DST: variants seen among roughly 807,000 people sequenced by gnomAD.
DST encodes dystonin.
DST carries 253 observed loss-of-function variants against 875.2 expected under a neutral mutation model. The ratio of observed to expected loss-of-function variants is 0.29; its 90% CI spans 0.26 to 0.32. The LOEUF is 0.32. DST is among the 10% of genes least tolerant of loss of function. The pLI, the probability that DST is intolerant of heterozygous loss-of-function variation, is 1.00. For missense variants in DST, 8,287 were observed against 9,111.6 expected (o/e 0.91, Z 3.68); for synonymous variants, 3,124 against 3,197.1 (o/e 0.98, Z 0.77).
chr6:56,529,896 A>C, intron 65 of DST, 78 bp downstream of exon 65: 1 of 1,549,778 alleles, frequency 6.5e-7, no homozygotes. Context: ...AAACAAAACA[A>C]TAGTACATAA....
In DST at chr6:56,851,616, G is replaced by A. The variant is rs1324802746; in HGVS notation, c.418-12C>T. The A allele has an allele frequency of 1.2e-6, 2 of 1,612,360 alleles. No homozygotes were observed. Among genetic ancestry groups the A allele is most frequent in the Admixed American group, 1.7e-5 (1 of 59,840 alleles). Reference sequence around the variant, plus strand: ...GCGTTCCCGGAACTCTACAGAGAATGACACAGAAAAAGCATTAACAGCAAA... The same window carrying A: ...GCGTTCCCGGAACTCTACAGAGAATAACACAGAAAAAGCATTAACAGCAAA... On this transcript the variant is annotated splice_polypyrimidine_tract_variant and intron_variant, in intron 3 of 103. Coordinates refer to ENST00000680361, the MANE Select transcript of DST (RefSeq NM_001374736.1).
chr6:56,775,618 C>A (rs1214522980), intron 4 of DST, among the ~76,000 whole-genome samples: 1 of 152,062 alleles, frequency 6.6e-6, no homozygotes, highest in Non-Finnish European at 1.5e-5. Context: ...GCAGGAAATA[C>A]ACAAGATGAG....
intron 2 of DST, among the ~76,000 whole-genome samples, chr6:56,937,146 T>A (rs1259754441): frequency 6.6e-6 from 1 of 152,018 alleles, no homozygotes; most frequent in East Asian, 1.9e-4. Flanking sequence ...GACACCAAAG[T>A]ATAATCCATA....
intron 41 of DST, 33 bp from the exon 42 acceptor site, chr6:56,603,453 A>T: frequency 6.2e-7 from 1 of 1,600,346 alleles, no homozygotes; most frequent in East Asian, 2.2e-5. Flanking sequence ...CCTATTTACT[A>T]TTTAGTGAAA....
chr6:56,882,225 A>T lies in DST; in HGVS notation c.417+18196T>A, dbSNP rs149704847. ...CATGAATGCTGGCCACTTAAAAATA[A>T]TTATTTTCCTGTGGCTGCAAATTAT... On this transcript the variant is annotated intron_variant, in intron 3 of 103. Coordinates refer to ENST00000680361, the MANE Select transcript of DST (RefSeq NM_001374736.1). Among the ~76,000 whole-genome samples, 684 of 152,334 alleles carry T rather than the reference A, an allele frequency of 4.5e-3. 5 individuals carry two copies. The highest frequency in any genetic ancestry group is 0.016 in the African/African-American group (665 of 41,572).
chr6:56,472,240 C>G lies in DST; in HGVS notation c.21995-18G>C, dbSNP rs7746513. ...GCGTTTTCCTGTGAAGGTATAACTT[C>G]GGTTAGGATGGCAGTTTCCAGGGTG... On this transcript the variant is annotated intron_variant, in intron 93 of 103. Transcript: ENST00000680361. The G allele has an allele frequency of 2.2e-3, 3,505 of 1,610,896 alleles. 56 individuals carry two copies. In the African/African-American group the frequency reaches 0.04, roughly 18 times the overall value.
rs61024109 is a variant in DST at position 56,507,372 on chromosome 6, C to T, written c.19240-583G>A. ...CATAAACCAAGCCCTAAACCAGGCA[C>T]TGGGGATACAAAGAAAAATAGATAT... On this transcript the variant is annotated intron_variant, in intron 75 of 103. Coordinates refer to ENST00000680361, the MANE Select transcript of DST (RefSeq NM_001374736.1). Among the ~76,000 whole-genome samples, 489 of 152,268 alleles carry T rather than the reference C, an allele frequency of 3.2e-3. 4 individuals carry two copies. The highest frequency in any genetic ancestry group is 0.011 in the African/African-American group (476 of 41,562).
rs1052662321 is a variant in DST at position 56,751,080 on chromosome 6, T to TA, written c.626-15792dup. The stretch of plus-strand genomic sequence containing the variant: ...CCCCAATGCTTCAGGTTCTGGAATC[T>TA]AAAAAAAAATCCAAACTTCAGATGA... On this transcript the variant is annotated intron_variant, in intron 4 of 103. Coordinates refer to ENST00000680361, the MANE Select transcript of DST (RefSeq NM_001374736.1). 7.9e-5 allele frequency among the ~76,000 whole-genome samples: 12 copies of TA among 151,642 alleles called. 1 individual carries two copies. Among genetic ancestry groups the TA allele is most frequent in the East Asian group, 5.8e-4 (3 of 5,188 alleles).
At chr6:56,627,550 C>T (rs759031147) in intron 33 of DST, among the ~76,000 whole-genome samples, 1 of 152,142 alleles carries the variant, frequency 6.6e-6, no homozygotes, top group Non-Finnish European at 1.5e-5. Flanking sequence ...CCCTTGGCCA[C>T]CACCTATTTC....
intron 23 of DST, among the ~76,000 whole-genome samples, 191 bp downstream of exon 23, chr6:56,636,366 A>C (rs966706454): frequency 6.6e-6 from 1 of 151,020 alleles, no homozygotes; most frequent in Non-Finnish European, 1.5e-5. Context: ...ATGTGTGTGT[A>C]TATATATACA....
chr6:56,555,257 G>C, intron 60 of DST, 88 bp downstream of exon 60: 1 of 1,405,272 alleles, frequency 7.1e-7, no homozygotes, highest in Non-Finnish European at 9.6e-7. Flanking sequence ...TCTCTTTGGG[G>C]TCCTGGATTA....
At chr6:56,725,081 G>C (rs1051990632) in intron 5 of DST, among the ~76,000 whole-genome samples, 1 of 152,080 alleles carries the variant, frequency 6.6e-6, no homozygotes, top group Non-Finnish European at 1.5e-5. Context: ...TTACAAATGA[G>C]AAAACTAAGG....
intron 4 of DST, among the ~76,000 whole-genome samples, chr6:56,746,655 T>C (rs1166320532): frequency 1.3e-5 from 2 of 151,726 alleles, no homozygotes; most frequent in Non-Finnish European, 2.9e-5. Context: ...AGGAGAGAGG[T>C]TGGTAGATGG....
rs73455710 is a variant in DST, at chr6:56,505,047, T to G, written c.19465-949A>C. Among the ~76,000 whole-genome samples the G allele has an allele frequency of 4.7e-3, 720 of 152,174 alleles. 8 individuals carry two copies. The highest frequency in any genetic ancestry group is 0.017 in the African/African-American group (695 of 41,554). ...AAACCATATAGTAGGGCGATAAATC[T>G]TGGATTTTTAAGTTATCATTAGCCA... is the stretch of plus-strand genomic sequence containing the variant. On this transcript the variant is annotated intron_variant, in intron 77 of 103. Transcript: ENST00000680361.
Position 56,645,833 on chromosome 6 carries a change from T to G in DST, c.1778+33A>C, listed in dbSNP as rs1334007706. On this transcript the variant is annotated intron_variant, in intron 15 of 103. Transcript: ENST00000680361. ...AGAACACAAAGGCCCCCTCCCCACT[T>G]GATATTCATGGCAGAAAACACCTCT... The G allele has an allele frequency of 1.9e-6, 3 of 1,605,640 alleles. No individual in the cohort carries two copies. In the South Asian group the frequency reaches 3.4e-5, roughly 18 times the overall value.
intron 9 of DST, among the ~76,000 whole-genome samples, chr6:56,687,785 A>C (rs925551464): frequency 9.9e-6 from 1 of 100,540 alleles, no homozygotes; most frequent in Non-Finnish European, 2.6e-5. Context: ...CTTCCAAGTT[A>C]AAAAAAAAAA....
At chr6:56,738,580 A>T (rs1361983350) in intron 4 of DST, among the ~76,000 whole-genome samples, 1 of 152,026 alleles carries the variant, frequency 6.6e-6, no homozygotes, top group Non-Finnish European at 1.5e-5. Flanking sequence ...TCAGCCTCCC[A>T]AAGTGCTGGG....
chr6:56,773,303 C>T lies in DST; in HGVS notation c.626-38014G>A, dbSNP rs529005893. Among the ~76,000 whole-genome samples the T allele has an allele frequency of 3.3e-5, 5 of 151,844 alleles. No homozygotes were observed. The South Asian group carries it at 1.0e-3, about 32-fold the overall frequency. Reference sequence around the variant, plus strand: ...TTATTCTTTTTTTTAGCCTCTTGGACCTTATAAGTTATTGGTCCAGATTTA... The same window carrying T: ...TTATTCTTTTTTTTAGCCTCTTGGATCTTATAAGTTATTGGTCCAGATTTA... On this transcript the variant is annotated intron_variant, in intron 4 of 103. Transcript: ENST00000680361.
At chr6:56,694,228 AAAATT>A (rs1444538818) in intron 9 of DST, among the ~76,000 whole-genome samples, 11 of 151,662 alleles carry the variant, frequency 7.3e-5, no homozygotes, top group African/African-American at 2.7e-4. Context: ...AAAAAAAAAA[AAAATT>A]AGAATAGCAT....
Sources: allele counts gnomAD v4.1 joint callset (sites outside exome capture counted in the v4.1 genomes callset), GRCh38; gene constraint gnomAD v4.1.1; transcripts MANE v1.5; gene names NCBI Gene and HGNC (gene_info 2026-07-23, HGNC 2026-07-21).